Variants in PNMA2 observed in about 807,000 individuals in gnomAD.
PNMA2 encodes the protein PNMA family member 2, also known as paraneoplastic antigen Ma2.
For missense variants in PNMA2, 455 were observed against 452.9 expected (o/e 1.00, Z -0.04); for synonymous variants, 175 against 183.5 (o/e 0.95, Z 0.38).
In PNMA2 at chr8:26,507,892, A is replaced by T. The variant is rs768033440; in HGVS notation, c.864T>A (p.Arg288=). 6.2e-7 allele frequency: 1 copy of T among 1,614,206 alleles called. No homozygotes were observed. Among genetic ancestry groups the T allele is most frequent in the Non-Finnish European group, 8.5e-7 (1 of 1,180,044 alleles). Reference sequence around the variant, plus strand: ...GCTCCAGGCGGACCTGGTCCGCAATACGCCGAGGGATGGCGCGTTTCTCCA... The same window carrying T: ...GCTCCAGGCGGACCTGGTCCGCAATTCGCCGAGGGATGGCGCGTTTCTCCA... The part of the protein sequence containing the change: ...RAVEKRAIPR[R]IADQVRLEQV... Residue 288 remains arginine (R), a synonymous_variant, in exon 3 of 3, where the codon CGT becomes CGA. Transcript: ENST00000522362.
At chr8:26,513,299 A>G (rs1176656655) in intron 1 of PNMA2, among the ~76,000 whole-genome samples, 4 of 151,102 alleles carry the variant, frequency 2.6e-5, no homozygotes, top group Non-Finnish European at 5.9e-5. Context: ...ACTCTTTGCT[A>G]CACCCCCATA....
Position 26,506,615 on chromosome 8 carries a change from A to G in PNMA2, c.*1046T>C, listed in dbSNP as rs1472434146. 6.6e-6 allele frequency: 1 copy of G among 152,366 alleles called. No homozygotes were observed. The highest frequency in any genetic ancestry group is 2.4e-5 in the African/African-American group (1 of 41,460). 9.4% of individuals were successfully genotyped at this position (152,366 alleles called of 1,614,324 possible). On this transcript the variant is annotated 3_prime_UTR_variant, in exon 3 of 3. Transcript: ENST00000522362. The surrounding 1 kb of genome is among the most constrained non-coding windows in gnomAD (Gnocchi z 4.4). ...AGGTTAAAACAACAACAACAATGAC[A>G]ACAACAACAACAAAAATCTGCAGGC...
At position 26,508,052 on chromosome 8, in the gene PNMA2, T is replaced by A. The variant is rs755990530; in HGVS notation, c.704A>T (p.Glu235Val). 6.2e-7 allele frequency: 1 copy of A among 1,614,220 alleles called. No individual in the cohort carries two copies. Among genetic ancestry groups the A allele is most frequent in the Admixed American group, 1.7e-5 (1 of 60,024 alleles). The change falls in exon 3 of 3, where the codon GAG becomes GTG. Residue 235 changes from glutamate (E) to valine (V), a missense_variant. By Grantham distance (121) the Glu-to-Val change is moderately radical. Transcript: ENST00000522362. The surrounding 1 kb of genome is among the most constrained non-coding windows in gnomAD (Gnocchi z 5.5). ...NPSISVEECL[E>V]AFKQVFGSLE... ...GCTCCCAAACACTTGCTTAAAGGCC[T>A]CCAAACACTCTTCTACACTGATGGA...
rs758257007 is a variant in PNMA2, at chr8:26,508,362, C to T, written c.394G>A (p.Ala132Thr). 6.2e-7 allele frequency: 1 copy of T among 1,614,058 alleles called. No homozygotes were observed. ...TCTGGTGAGATGCAGGGCACTGTGG[C>T]TGGAGACACGCCCTCCTGCCCCAGG... is the stretch of plus-strand genomic sequence containing the variant. ...RALGQEGVSP[A>T]TVPCISPELL... is the part of the protein sequence containing the mutation. The change falls in exon 3 of 3, where the codon GCC becomes ACC. Residue 132 changes from alanine (A) to threonine (T), a missense_variant. Physicochemically the swap from Ala to Thr is moderately conservative, Grantham distance 58 (BLOSUM62 0). Coordinates refer to ENST00000522362, the MANE Select transcript of PNMA2 (RefSeq NM_007257.6). The surrounding 1 kb of genome is among the most constrained non-coding windows in gnomAD (Gnocchi z 5.5).
Position 26,508,182 on chromosome 8 carries a change from C to CT in PNMA2, c.573dup (p.Val192SerfsTer47), listed in dbSNP as rs774936130. On this transcript the variant is annotated frameshift_variant, in exon 3 of 3. Coordinates refer to ENST00000522362, the MANE Select transcript of PNMA2 (RefSeq NM_007257.6). LOFTEE classifies it low-confidence loss of function (END_TRUNC). The surrounding 1 kb of genome is among the most constrained non-coding windows in gnomAD (Gnocchi z 5.5). Reference sequence around the variant, plus strand: ...GCCTCTGTTACTGGCCACTCTTTGACTATCTCCGTGGCCTGTTCCAACCAG... The same window carrying CT: ...GCCTCTGTTACTGGCCACTCTTTGACTTATCTCCGTGGCCTGTTCCAACCAG... 1.9e-6 allele frequency: 3 copies of CT among 1,614,038 alleles called. No homozygotes were observed. Among genetic ancestry groups the CT allele is most frequent in the Admixed American group, 3.3e-5 (2 of 60,008 alleles).
Position 26,508,331 on chromosome 8 carries a change from A to G in PNMA2, c.425T>C (p.Leu142Pro). Residue 142 changes from leucine (L) to proline (P), a missense_variant, in exon 3 of 3, where the codon CTG becomes CCG. Leu to Pro is a moderately conservative substitution (Grantham distance 98, BLOSUM62 -3). Coordinates refer to ENST00000522362, the MANE Select transcript of PNMA2 (RefSeq NM_007257.6). The surrounding 1 kb of genome is among the most constrained non-coding windows in gnomAD (Gnocchi z 5.5). Reference sequence around the variant, plus strand: ...CATTGCCTGTCCCAACAAATGGGCCAGTAATTCTGGTGAGATGCAGGGCAC... The same window carrying G: ...CATTGCCTGTCCCAACAAATGGGCCGGTAATTCTGGTGAGATGCAGGGCAC... ...ATVPCISPEL[L>P]AHLLGQAMAH... is the part of the protein sequence containing the mutation. 1 of 1,612,680 alleles carries G rather than the reference A, an allele frequency of 6.2e-7. No homozygotes were observed. Among genetic ancestry groups the G allele is most frequent in the Middle Eastern group, 1.7e-4 (1 of 6,052 alleles).
In PNMA2 at chr8:26,506,412, C is replaced by T. The variant is rs1808045192; in HGVS notation, c.*1249G>A. Reference sequence around the variant, plus strand: ...AAATCCAAACCTGCCCTAAACAACCCTGCTCTCAAGCATGCAGTCCCCTCA... The same window carrying T: ...AAATCCAAACCTGCCCTAAACAACCTTGCTCTCAAGCATGCAGTCCCCTCA... On this transcript the variant is annotated 3_prime_UTR_variant, in exon 3 of 3. Coordinates refer to ENST00000522362, the MANE Select transcript of PNMA2 (RefSeq NM_007257.6). This position sits in a 1 kb window ranked among gnomAD's most constrained non-coding sequence, Gnocchi z 4.4. The T allele has an allele frequency of 6.6e-6, 1 of 152,282 alleles. No homozygotes were observed. The highest frequency in any genetic ancestry group is 2.4e-5 in the African/African-American group (1 of 41,444). The allele number at this position is 152,282 out of a possible 1,614,324, so 9.4% of individuals were successfully genotyped here.
intron 1 of PNMA2, among the ~76,000 whole-genome samples, chr8:26,512,123 C>G (rs1377349744): frequency 6.6e-6 from 1 of 152,184 alleles, no homozygotes; most frequent in Non-Finnish European, 1.5e-5. Context: ...TGGAAGACTC[C>G]CACTGGAATT....
At position 26,507,706 on chromosome 8, in the gene PNMA2, C is replaced by T; in HGVS notation, c.1050G>A (p.Glu350=). ...SFENESIEEP[E]ERDGYGRWNH... Reference sequence around the variant, plus strand: ...TCCAGCGGCCATAGCCATCTCGTTCCTCTGGCTCTTCGATACTCTCATTCT... The same window carrying T: ...TCCAGCGGCCATAGCCATCTCGTTCTTCTGGCTCTTCGATACTCTCATTCT... The change falls in exon 3 of 3, where the codon GAG becomes GAA. Residue 350 remains glutamate (E), a synonymous_variant. Transcript: ENST00000522362. 5.0e-6 allele frequency: 8 copies of T among 1,588,190 alleles called. No homozygotes were observed. Among genetic ancestry groups the T allele is most frequent in the Non-Finnish European group, 6.8e-6 (8 of 1,168,516 alleles).
In PNMA2 at chr8:26,507,548, G is replaced by A. The variant is rs969730216; in HGVS notation, c.*113C>T. 3.4e-6 allele frequency: 3 copies of A among 883,936 alleles called. No individual in the cohort carries two copies. The South Asian group carries it at 6.4e-5, about 19-fold the overall frequency. 54.8% of individuals were successfully genotyped at this position (883,936 alleles called of 1,614,324 possible). On this transcript the variant is annotated 3_prime_UTR_variant, in exon 3 of 3. Coordinates refer to ENST00000522362, the MANE Select transcript of PNMA2 (RefSeq NM_007257.6). ...GGAGGAAGGGAGGGAAGGAAGGAAG[G>A]AAGGAAGGTCAATAATTGGCTTTCA...
At position 26,508,358 on chromosome 8, in the gene PNMA2, G is replaced by A. The variant is rs750281588; in HGVS notation, c.398C>T (p.Thr133Ile). The part of the protein sequence containing the change: ...ALGQEGVSPA[T>I]VPCISPELLA... ...TAATTCTGGTGAGATGCAGGGCACT[G>A]TGGCTGGAGACACGCCCTCCTGCCC... Residue 133 changes from threonine (T) to isoleucine (I), a missense_variant, in exon 3 of 3, where the codon ACA (threonine) becomes ATA (isoleucine). Transcript: ENST00000522362. This position sits in a 1 kb window ranked among gnomAD's most constrained non-coding sequence, Gnocchi z 5.5. 1.9e-6 allele frequency: 3 copies of A among 1,614,076 alleles called. No individual in the cohort carries two copies. In the South Asian group the frequency reaches 3.3e-5, roughly 18 times the overall value.
Position 26,507,702 on chromosome 8 carries a change from G to C in PNMA2, c.1054C>G (p.Arg352Gly), listed in dbSNP as rs1162245236. The change falls in exon 3 of 3, where the codon CGA becomes GGA. Residue 352 changes from arginine (R) to glycine (G), a missense_variant. By Grantham distance (125) the Arg-to-Gly change is moderately radical. Coordinates refer to ENST00000522362, the MANE Select transcript of PNMA2 (RefSeq NM_007257.6). ...TGATTCCAGCGGCCATAGCCATCTC[G>C]TTCCTCTGGCTCTTCGATACTCTCA... ...ENESIEEPEE[R>G]DGYGRWNHEG... The C allele has an allele frequency of 1.3e-6, 2 of 1,582,698 alleles. No individual in the cohort carries two copies. The highest frequency in any genetic ancestry group is 1.7e-4 in the Middle Eastern group (1 of 5,884).
rs894333830 is a variant in PNMA2, at chr8:26,506,693, A to C, written c.*968T>G. On this transcript the variant is annotated 3_prime_UTR_variant, in exon 3 of 3. Transcript: ENST00000522362. The surrounding 1 kb of genome is among the most constrained non-coding windows in gnomAD (Gnocchi z 4.4). ...ACACTTTTACTGGGGTGATGAACTTATTTACACAAAGGGTTAGTTAGCCTT... is the reference window on the plus strand; with the variant it reads ...ACACTTTTACTGGGGTGATGAACTTCTTTACACAAAGGGTTAGTTAGCCTT... The C allele has an allele frequency of 6.6e-6, 1 of 152,240 alleles. No homozygotes were observed. Among genetic ancestry groups the C allele is most frequent in the African/African-American group, 2.4e-5 (1 of 41,444 alleles). 9.4% of individuals were successfully genotyped at this position (152,240 alleles called of 1,614,324 possible).
intron 1 of PNMA2, among the ~76,000 whole-genome samples, chr8:26,511,316 C>T (rs1198526988): frequency 6.6e-6 from 1 of 152,182 alleles, no homozygotes. Flanking sequence ...CAGCAGTGCT[C>T]CTGCTGTGGG....
chr8:26,505,897 A>G lies in PNMA2; in HGVS notation c.*1764T>C, dbSNP rs1189861091. On this transcript the variant is annotated 3_prime_UTR_variant, in exon 3 of 3. Coordinates refer to ENST00000522362, the MANE Select transcript of PNMA2 (RefSeq NM_007257.6). ...TCCCAGCTACTCGGGAGGCTGAGGCACGAAATCGCTTGAACCTGGGAGGCG... is the reference window on the plus strand; with the variant it reads ...TCCCAGCTACTCGGGAGGCTGAGGCGCGAAATCGCTTGAACCTGGGAGGCG... The G allele has an allele frequency of 6.6e-6, 1 of 152,224 alleles. No individual in the cohort carries two copies. The highest frequency in any genetic ancestry group is 1.5e-5 in the Non-Finnish European group (1 of 68,058). 9.4% of individuals were successfully genotyped at this position (152,224 alleles called of 1,614,324 possible). A position where few individuals can be genotyped will look rare whatever the true frequency, so the allele number is the denominator to read the frequency against.
At chr8:26,512,787 C>A (rs931658258) in intron 1 of PNMA2, 3 of 152,312 alleles carry the variant, frequency 2.0e-5, no homozygotes, top group Non-Finnish European at 4.4e-5. Context: ...CAGCATTGAC[C>A]GTGTTAGGCA....
intron 1 of PNMA2, among the ~76,000 whole-genome samples, chr8:26,513,202 G>A (rs544991908): frequency 6.7e-6 from 1 of 149,650 alleles, no homozygotes; most frequent in Non-Finnish European, 1.5e-5. Context: ...GCGCAGTGGC[G>A]CAGACACGGT....
chr8:26,508,886 G>A lies in PNMA2; in HGVS notation c.-131C>T. 2.0e-6 allele frequency: 3 copies of A among 1,504,606 alleles called. No individual in the cohort carries two copies. Among genetic ancestry groups the A allele is most frequent in the East Asian group, 2.3e-5 (1 of 43,820 alleles). 93.2% of individuals were successfully genotyped at this position (1,504,606 alleles called of 1,614,324 possible). A position where few individuals can be genotyped will look rare whatever the true frequency, so the allele number is the denominator to read the frequency against. ...AGAACCCACCAATGAATGGGTCCCA[G>A]ACTAGGTCACTCAAAGACAGTCACA... On this transcript the variant is annotated 5_prime_UTR_variant, in exon 3 of 3. Coordinates refer to ENST00000522362, the MANE Select transcript of PNMA2 (RefSeq NM_007257.6). The surrounding 1 kb of genome is among the most constrained non-coding windows in gnomAD (Gnocchi z 5.5).
chr8:26,511,778 C>G (rs995966279), intron 1 of PNMA2: 1 of 152,002 alleles, frequency 6.6e-6, no homozygotes, highest in African/African-American at 2.4e-5. Flanking sequence ...TGTCTGAAAA[C>G]AAAAACAAAA....
Sources: allele counts gnomAD v4.1 joint callset (sites outside exome capture counted in the v4.1 genomes callset), GRCh38; gene constraint gnomAD v4.1.1; non-coding constraint Gnocchi (gnomAD v3.1); transcripts MANE v1.5; gene names NCBI Gene and HGNC (gene_info 2026-07-23, HGNC 2026-07-21).